The following CCDC112 variants were observed in gnomAD, a reference collection of about 807,000 sequenced individuals.
The protein encoded by CCDC112 is coiled-coil domain-containing protein 112.
CCDC112 carries 40 observed loss-of-function variants against 66.3 expected under a neutral mutation model. The observed-to-expected ratio is 0.60, with a 90% CI of 0.47 to 0.79. The LOEUF is 0.79. Among genes scored for constraint, CCDC112 ranks in the 30% least tolerant of loss-of-function variants. The pLI, the probability that CCDC112 is intolerant of heterozygous loss-of-function variation, is 0.00. For missense variants in CCDC112, 659 were observed against 603.8 expected (o/e 1.09, Z -0.96); for synonymous variants, 214 against 197.2 (o/e 1.09, Z -0.71).
chr5:115,280,979 A>C (rs906529447), intron 2 of CCDC112, among the ~76,000 whole-genome samples: 1 of 151,748 alleles, frequency 6.6e-6, no homozygotes, highest in Admixed American at 6.6e-5. Flanking sequence ...GCAACTATCT[A>C]TACCGTAGAG....
intron 3 of CCDC112, among the ~76,000 whole-genome samples, chr5:115,278,170 G>A (rs1191687961): frequency 7.2e-5 from 11 of 152,174 alleles, no homozygotes; most frequent in South Asian, 2.1e-4. Flanking sequence ...AAGTAATTAG[G>A]AAAGTGTTTT....
At chr5:115,268,181 C>G in intron 9 of CCDC112, among the ~76,000 whole-genome samples, 1 of 152,140 alleles carries the variant, frequency 6.6e-6, no homozygotes, top group East Asian at 1.9e-4. Context: ...CAATACTACT[C>G]TCCTTATAAA....
intron 3 of CCDC112, among the ~76,000 whole-genome samples, chr5:115,279,023 C>A (rs1749328115): frequency 2.0e-5 from 3 of 152,080 alleles, no homozygotes. Context: ...TTAAGGGTAA[C>A]ATTCAGTACA....
At chr5:115,296,368 G>C in intron 1 of CCDC112, 59 bp downstream of exon 1, 5 of 1,521,970 alleles carry the variant, frequency 3.3e-6, no homozygotes, top group Non-Finnish European at 4.4e-6. Context: ...CACCTGTTCA[G>C]CCAGGGCCTG....
intron 6 of CCDC112, among the ~76,000 whole-genome samples, chr5:115,274,173 G>T (rs1055837990): frequency 1.3e-5 from 2 of 152,110 alleles, no homozygotes; most frequent in African/African-American, 2.4e-5. Flanking sequence ...TTCCCCTCCA[G>T]TGGACAACTG....
rs1422171201 is a variant in CCDC112 at position 115,296,574 on chromosome 5, G to A, written c.-31C>T. The A allele has an allele frequency of 6.9e-7, 1 of 1,442,862 alleles. No individual in the cohort carries two copies. The highest frequency in any genetic ancestry group is 9.1e-7 in the Non-Finnish European group (1 of 1,101,994). 89.4% of individuals were successfully genotyped at this position (1,442,862 alleles called of 1,614,324 possible). ...CCCGCCGAGCTACTCGGGCCGCGGC[G>A]GCCACCGGTGCCTGGGGATTCGTGG... On this transcript the variant is annotated 5_prime_UTR_variant, in exon 1 of 10. Transcript: ENST00000379611.
At chr5:115,271,033 C>T (rs1232283113) in intron 7 of CCDC112, among the ~76,000 whole-genome samples, 180 bp downstream of exon 7, 4 of 152,174 alleles carry the variant, frequency 2.6e-5, no homozygotes, top group African/African-American at 9.7e-5. Context: ...CCTACTTCCA[C>T]ATATCTTTCC....
chr5:115,295,778 A>C (rs1212275359), intron 1 of CCDC112: 1 of 409,276 alleles, frequency 2.4e-6, no homozygotes, highest in African/African-American at 2.2e-5. Context: ...AGTATGTAAT[A>C]TAATATATGG....
chr5:115,292,639 T>C (rs1749983934), intron 1 of CCDC112, among the ~76,000 whole-genome samples: 1 of 152,230 alleles, frequency 6.6e-6, no homozygotes. Flanking sequence ...TTAGCAGGGT[T>C]TGTTTTGTTG....
At chr5:115,281,510 C>A (rs367859748) in intron 2 of CCDC112, among the ~76,000 whole-genome samples, 32 of 152,288 alleles carry the variant, frequency 2.1e-4, no homozygotes, top group African/African-American at 6.7e-4. Flanking sequence ...TCAGTCCCAC[C>A]TGGCAACTCT....
At chr5:115,292,998 A>C (rs2127078131) in intron 1 of CCDC112, among the ~76,000 whole-genome samples, 1 of 152,362 alleles carries the variant, frequency 6.6e-6, no homozygotes, top group East Asian at 1.9e-4. Flanking sequence ...CCATAAGTGC[A>C]GTGGCTTAAA....
intron 2 of CCDC112, among the ~76,000 whole-genome samples, chr5:115,280,651 C>G (rs934394605): frequency 2.0e-5 from 3 of 151,766 alleles, no homozygotes; most frequent in African/African-American, 7.3e-5. Flanking sequence ...CTCCCTGGCT[C>G]AAGCAATCCT....
At chr5:115,289,881 G>A (rs1205356695) in intron 1 of CCDC112, among the ~76,000 whole-genome samples, 1 of 152,106 alleles carries the variant, frequency 6.6e-6, no homozygotes, top group Non-Finnish European at 1.5e-5. Flanking sequence ...ATGGGGTTTC[G>A]CGATGTTGGC....
At position 115,296,619 on chromosome 5, in the gene CCDC112, G is replaced by A; in HGVS notation, c.-76C>T. On this transcript the variant is annotated 5_prime_UTR_variant, in exon 1 of 10. Transcript: ENST00000379611. ...TCGTGGCAGGCGCACCCTGGCCTCT[G>A]CAGACAGCTCCCTGCGCTGCGGGCT... The A allele has an allele frequency of 1.5e-6, 2 of 1,363,384 alleles. No homozygotes were observed. 84.5% of individuals were successfully genotyped at this position (1,363,384 alleles called of 1,614,324 possible). A position where few individuals can be genotyped will look rare whatever the true frequency, so the allele number is the denominator to read the frequency against.
rs1580797310 is a variant in CCDC112 at position 115,275,407 on chromosome 5, T to A, written c.727A>T (p.Thr243Ser). ...TCCCAGGCACCTTGTCGCCCTCCTGTTTGCTGAAGGAATTTTTCAAAATCT... is the reference window on the plus strand; with the variant it reads ...TCCCAGGCACCTTGTCGCCCTCCTGATTGCTGAAGGAATTTTTCAAAATCT... ...VLDFEKFLQQ[T>S]GGRQGAWDDY... is the part of the protein sequence containing the mutation. Residue 243 changes from threonine (T) to serine (S), a missense_variant, in exon 6 of 10, where the codon ACA (threonine) becomes TCA (serine). Physicochemically the swap from Thr to Ser is moderately conservative, Grantham distance 58. Coordinates refer to ENST00000379611, the MANE Select transcript of CCDC112 (RefSeq NM_001040440.3). 23 of 1,614,050 alleles carry A rather than the reference T, an allele frequency of 1.4e-5. No homozygotes were observed. In the East Asian group the frequency reaches 5.1e-4, roughly 36 times the overall value.
chr5:115,276,648 T>C (rs1001885942), intron 4 of CCDC112, among the ~76,000 whole-genome samples: 8 of 152,162 alleles, frequency 5.3e-5, no homozygotes, highest in African/African-American at 1.9e-4. Flanking sequence ...TTTTTAAACC[T>C]TTCTATAACA....
chr5:115,273,164 G>A (rs1341696705), intron 6 of CCDC112, among the ~76,000 whole-genome samples: 2 of 152,160 alleles, frequency 1.3e-5, no homozygotes, highest in African/African-American at 2.4e-5. Context: ...AGCTACTTAT[G>A]TTTGGGTGGG....
chr5:115,273,743 G>A (rs919329636), intron 6 of CCDC112, among the ~76,000 whole-genome samples: 1 of 152,224 alleles, frequency 6.6e-6, no homozygotes, highest in Non-Finnish European at 1.5e-5. Flanking sequence ...TACCCTCACA[G>A]TGCTAATTAG....
At chr5:115,279,563 G>A (rs1749357949) in intron 3 of CCDC112, 84 bp downstream of exon 3, 1 of 1,320,844 alleles carries the variant, frequency 7.6e-7, no homozygotes, top group African/African-American at 1.4e-5. Context: ...ACACAATACA[G>A]TCAATGCACA....
Sources: allele counts gnomAD v4.1 joint callset (sites outside exome capture counted in the v4.1 genomes callset), GRCh38; gene constraint gnomAD v4.1.1; transcripts MANE v1.5; gene names NCBI Gene and HGNC (gene_info 2026-07-23, HGNC 2026-07-21).